Variants in NDUFAB1 observed in about 807,000 individuals in gnomAD.
NDUFAB1 encodes NADH:ubiquinone oxidoreductase subunit AB1.
NDUFAB1 carries 5 observed loss-of-function variants against 16.1 expected under a neutral mutation model. That is an observed-to-expected ratio of 0.31 (90% CI 0.16 to 0.65). The LOEUF (loss-of-function observed/expected upper bound fraction) is 0.65, where lower values mean the gene tolerates loss of function less well. Among genes scored for constraint, NDUFAB1 ranks in the 30% least tolerant of loss-of-function variants. The pLI is 0.77. For synonymous variants in NDUFAB1, 85 were observed against 78.4 expected (o/e 1.08, Z -0.44); for missense variants, 187 against 205.3 (o/e 0.91, Z 0.54).
intron 3 of NDUFAB1, among the ~76,000 whole-genome samples, chr16:23,584,068 T>C (rs1966209202): frequency 1.3e-5 from 2 of 151,172 alleles, no homozygotes; most frequent in South Asian, 4.2e-4. Context: ...AGCATGCTTG[T>C]TAAGAGTCAT....
intron 1 of NDUFAB1, among the ~76,000 whole-genome samples, chr16:23,589,650 C>G (rs767409850): frequency 1.3e-5 from 2 of 152,046 alleles, no homozygotes; most frequent in African/African-American, 2.4e-5. Context: ...AGAAATGGTA[C>G]GAGGCCAGGT....
At chr16:23,593,599 T>G (rs75617851) in intron 1 of NDUFAB1, among the ~76,000 whole-genome samples, 1,985 of 152,258 alleles carry the variant, frequency 0.013, 19 homozygotes, top group South Asian at 0.02. Flanking sequence ...TCTGAGCTCC[T>G]TGCCATTCAA....
Position 23,587,197 on chromosome 16 carries a change from C to T in NDUFAB1, c.291G>A (p.Lys97=). ...LKLYDKIDPE[K]LSVNSHFMKD... Reference sequence around the variant, plus strand: ...AAAAATTCAAACCACCATCAGTTACCTTCTCTGGGTCAATCTTGTCATAGA... The same window carrying T: ...AAAAATTCAAACCACCATCAGTTACTTTCTCTGGGTCAATCTTGTCATAGA... The change falls in exon 2 of 5, where the codon AAG becomes AAA. Residue 97 remains lysine (K), a splice_region_variant and synonymous_variant. Transcript: ENST00000007516. 6.2e-7 allele frequency: 1 copy of T among 1,610,718 alleles called. No homozygotes were observed. The highest frequency in any genetic ancestry group is 2.2e-5 in the East Asian group (1 of 44,844).
intron 1 of NDUFAB1, 95 bp from the exon 2 acceptor site, chr16:23,587,414 G>A (rs1966243298): frequency 4.1e-6 from 6 of 1,462,714 alleles, no homozygotes; most frequent in Non-Finnish European, 4.6e-6. Context: ...GAACTTTCGG[G>A]GCTTTAGAGA....
intron 1 of NDUFAB1, among the ~76,000 whole-genome samples, chr16:23,595,258 G>C (rs1055366208): frequency 6.6e-6 from 1 of 152,126 alleles, no homozygotes; most frequent in East Asian, 1.9e-4. Flanking sequence ...GACAGAGCGA[G>C]ACTCTGTCTC....
At chr16:23,590,998 C>T (rs1966275100) in intron 1 of NDUFAB1, 1 of 152,104 alleles carries the variant, frequency 6.6e-6, no homozygotes, top group Non-Finnish European at 1.5e-5. Flanking sequence ...CATCTTTCTT[C>T]AGCTCTCCAG....
intron 3 of NDUFAB1, 133 bp downstream of exon 3, chr16:23,585,203 G>A: frequency 4.6e-6 from 3 of 658,892 alleles, no homozygotes; most frequent in South Asian, 1.8e-5. Flanking sequence ...AGGAAGGTGT[G>A]TGTGAAGGGC....
chr16:23,584,349 G>A (rs1966215328), intron 3 of NDUFAB1, among the ~76,000 whole-genome samples: 1 of 146,348 alleles, frequency 6.8e-6, no homozygotes, highest in Admixed American at 6.8e-5. Context: ...TTCTATCTCT[G>A]GATTTGCCTC....
chr16:23,581,343 C>T (rs908900576), intron 4 of NDUFAB1, among the ~76,000 whole-genome samples, 170 bp from the exon 5 acceptor site: 1 of 152,068 alleles, frequency 6.6e-6, no homozygotes, highest in Non-Finnish European at 1.5e-5. Context: ...GTCAGGAGTT[C>T]GAGACCAGCC....
chr16:23,587,303 GTAACTCTAC>G lies in NDUFAB1; in HGVS notation c.176_184del (p.Gly59_Thr62delinsAla). The G allele has an allele frequency of 6.2e-7, 1 of 1,614,016 alleles. No homozygotes were observed. The highest frequency in any genetic ancestry group is 8.5e-7 in the Non-Finnish European group (1 of 1,179,930). ...GTCGCTATACTGGCGGCACAACTGT[GTAACTCTAC>G]CAGGAACCTAGAGCGACGGCAGGAA... On this transcript the variant is annotated inframe_deletion, in exon 2 of 5. Transcript: ENST00000007516.
At chr16:23,595,508 A>C in intron 1 of NDUFAB1, 1 of 451,204 alleles carries the variant, frequency 2.2e-6, no homozygotes, top group Non-Finnish European at 4.5e-6. Context: ...TCCCGTAAAT[A>C]CTGGTCGCGT....
chr16:23,582,591 G>GTTTGT (rs377094795), intron 3 of NDUFAB1, among the ~76,000 whole-genome samples: 1 of 150,910 alleles, frequency 6.6e-6, no homozygotes, highest in Admixed American at 6.6e-5. Context: ...TTGTTTGTTT[G>GTTTGT]TTGAGATAGA....
In NDUFAB1 at chr16:23,596,103, G is replaced by A. The variant is rs200108135; in HGVS notation, c.168+20C>T. 1.9e-6 allele frequency: 3 copies of A among 1,600,760 alleles called. No individual in the cohort carries two copies. Among genetic ancestry groups the A allele is most frequent in the East Asian group, 4.6e-5 (2 of 43,586 alleles). On this transcript the variant is annotated intron_variant, in intron 1 of 4. Coordinates refer to ENST00000007516, the MANE Select transcript of NDUFAB1 (RefSeq NM_005003.3). ...AATCCCTGACCCTTGCCAAGCGGCA[G>A]CAAAGTCACCACGAGTCACCTGCGC...
At chr16:23,589,957 AAAAAAAAAG>A (rs1966265095) in intron 1 of NDUFAB1, among the ~76,000 whole-genome samples, 1 of 136,264 alleles carries the variant, frequency 7.3e-6, no homozygotes, top group Non-Finnish European at 1.6e-5. Context: ...AAAAAAAAAA[AAAAAAAAAG>A]AAATGGTACG....
chr16:23,587,399 T>A (rs1210315724), intron 1 of NDUFAB1, 80 bp from the exon 2 acceptor site: 2 of 1,543,244 alleles, frequency 1.3e-6, no homozygotes, highest in African/African-American at 2.8e-5. Flanking sequence ...TAGGTAACTT[T>A]CACAGAACTT....
At chr16:23,592,300 T>C (rs1966287025) in intron 1 of NDUFAB1, among the ~76,000 whole-genome samples, 1 of 146,086 alleles carries the variant, frequency 6.8e-6, no homozygotes, top group Non-Finnish European at 1.5e-5. Context: ...TATATGATCA[T>C]GCCACTGCAC....
chr16:23,596,315 G>A lies in NDUFAB1; in HGVS notation c.-25C>T, dbSNP rs534034257. The A allele has an allele frequency of 2.3e-4, 348 of 1,521,180 alleles. 3 individuals carry two copies. In the African/African-American group the frequency reaches 4.5e-3, roughly 20 times the overall value. 94.2% of individuals were successfully genotyped at this position (1,521,180 alleles called of 1,614,324 possible). A position where few individuals can be genotyped will look rare whatever the true frequency, so the allele number is the denominator to read the frequency against. On this transcript the variant is annotated 5_prime_UTR_variant, in exon 1 of 5. Transcript: ENST00000007516. ...TGGCTACGCCAACCCAGGATGCACT[G>A]CGCCGCCGCCTCCGGACCAGGGTTC...
At position 23,587,429 on chromosome 16, in the gene NDUFAB1, A is replaced by T. The variant is rs573012078; in HGVS notation, c.169-110T>A. On this transcript the variant is annotated intron_variant, in intron 1 of 4. Coordinates refer to ENST00000007516, the MANE Select transcript of NDUFAB1 (RefSeq NM_005003.3). ...GAACTTTCGGGGCTTTAGAGAACCC[A>T]CAGCATCTGATTCTCATTGTGGCCA... 4 of 1,343,802 alleles carry T rather than the reference A, an allele frequency of 3.0e-6. No homozygotes were observed. The African/African-American group carries it at 5.9e-5, about 20-fold the overall frequency. 83.2% of individuals were successfully genotyped at this position (1,343,802 alleles called of 1,614,324 possible). A position where few individuals can be genotyped will look rare whatever the true frequency, so the allele number is the denominator to read the frequency against.
At chr16:23,585,465 A>G (rs751445284) in intron 2 of NDUFAB1, 42 bp from the exon 3 acceptor site, 34 of 1,386,374 alleles carry the variant, frequency 2.5e-5, no homozygotes, top group Non-Finnish European at 3.4e-5. Flanking sequence ...AGTCCATGAA[A>G]GCATCTGCTT....
Sources: gnomAD v4.1 joint callset for allele counts (sites outside exome capture counted in the v4.1 genomes callset) on GRCh38, gnomAD v4.1.1 for gene constraint, MANE v1.5 for transcripts, NCBI Gene and HGNC (gene_info 2026-07-23, HGNC 2026-07-21) for gene names.